DIP2B: variants seen among roughly 807,000 people sequenced by gnomAD.
DIP2B encodes the protein disco-interacting protein 2 homolog B.
A neutral mutation model predicts 198.0 loss-of-function variants in DIP2B; 76 were observed. The ratio of observed to expected loss-of-function variants is 0.38; its 90% confidence interval spans 0.32 to 0.46. The LOEUF (loss-of-function observed/expected upper bound fraction) is 0.46. Among genes scored for constraint, DIP2B ranks in the 20% least tolerant of loss-of-function variants. The pLI is 0.99. For synonymous variants in DIP2B, 701 were observed against 739.1 expected (o/e 0.95, Z 0.84); for missense variants, 1,559 against 1,978.4 (o/e 0.79, Z 4.02).
At chr12:50,692,050 G>C (rs1365982502) in intron 13 of DIP2B, among the ~76,000 whole-genome samples, 1 of 151,916 alleles carries the variant, frequency 6.6e-6, no homozygotes, top group Non-Finnish European at 1.5e-5. Flanking sequence ...GGGTGACAGA[G>C]CAAGACTCTG....
At chr12:50,672,388 T>C (rs1016316794) in intron 5 of DIP2B, among the ~76,000 whole-genome samples, 1 of 152,192 alleles carries the variant, frequency 6.6e-6, no homozygotes, top group South Asian at 2.1e-4. Context: ...CTGAAGCAGC[T>C]ACAAAGATTT....
At chr12:50,609,969 C>T (rs1959017630) in intron 1 of DIP2B, among the ~76,000 whole-genome samples, 1 of 152,182 alleles carries the variant, frequency 6.6e-6, no homozygotes, top group African/African-American at 2.4e-5. Context: ...GTAAGTAAAT[C>T]ATATTCCAAA....
intron 3 of DIP2B, chr12:50,656,894 A>C (rs1307551408): frequency 6.6e-6 from 1 of 152,136 alleles, no homozygotes; most frequent in African/African-American, 2.4e-5. Context: ...CTTATAATAA[A>C]TACCAACTAA....
At chr12:50,557,123 A>G (rs1423647835) in intron 1 of DIP2B, among the ~76,000 whole-genome samples, 1 of 152,224 alleles carries the variant, frequency 6.6e-6, no homozygotes, top group African/African-American at 2.4e-5. Context: ...CTGGGATTAC[A>G]GATTTGAGCC....
intron 5 of DIP2B, 99 bp downstream of exon 5, chr12:50,671,497 C>T: frequency 1.7e-6 from 2 of 1,175,702 alleles, no homozygotes; most frequent in South Asian, 3.0e-5. Context: ...TTCAGTATGG[C>T]CTAAAAAAAA....
chr12:50,646,363 C>CTACCTT (rs1938351060), intron 3 of DIP2B, among the ~76,000 whole-genome samples: 1 of 151,468 alleles, frequency 6.6e-6, no homozygotes, highest in Admixed American at 6.6e-5. Flanking sequence ...CCTCGTGATC[C>CTACCTT]GCCTGCCTTG....
intron 1 of DIP2B, among the ~76,000 whole-genome samples, chr12:50,577,083 C>T (rs1052672170): frequency 9.2e-5 from 14 of 152,206 alleles, no homozygotes; most frequent in South Asian, 6.2e-4. Context: ...TGACTACAGG[C>T]GTGAGCCACC....
chr12:50,584,387 A>G (rs1691633921), intron 1 of DIP2B, among the ~76,000 whole-genome samples: 1 of 152,076 alleles, frequency 6.6e-6, no homozygotes, highest in African/African-American at 2.4e-5. Flanking sequence ...CTCAGTACAT[A>G]TCTCAAATGC....
intron 1 of DIP2B, among the ~76,000 whole-genome samples, chr12:50,604,481 A>G (rs1170917436): frequency 6.6e-6 from 1 of 152,062 alleles, no homozygotes; most frequent in Non-Finnish European, 1.5e-5. Flanking sequence ...TTTTTGAGAC[A>G]AAGTCTTTGA....
At chr12:50,685,731 A>C in intron 10 of DIP2B, 102 bp from the exon 11 acceptor site, 2 of 1,333,592 alleles carry the variant, frequency 1.5e-6, no homozygotes, top group Non-Finnish European at 1.0e-6. Context: ...GGCTCCATGA[A>C]TGTTATCAAA....
intron 17 of DIP2B, among the ~76,000 whole-genome samples, chr12:50,697,721 G>C (rs1939342119): frequency 6.6e-6 from 1 of 151,400 alleles, no homozygotes; most frequent in Non-Finnish European, 1.5e-5. Flanking sequence ...TGTAGAGATA[G>C]GTTCTTGTTA....
At chr12:50,514,819 G>A (rs1463054407) in intron 1 of DIP2B, among the ~76,000 whole-genome samples, 1 of 151,504 alleles carries the variant, frequency 6.6e-6, no homozygotes, top group Non-Finnish European at 1.5e-5. Context: ...CACCATGCCC[G>A]GCTAATTTTT....
chr12:50,633,688 C>G (rs1188569760), intron 2 of DIP2B, among the ~76,000 whole-genome samples: 1 of 152,100 alleles, frequency 6.6e-6, no homozygotes, highest in Non-Finnish European at 1.5e-5. Context: ...ATTGCTTGAG[C>G]CTGGGAGGTT....
chr12:50,519,066 TG>T (rs935535567), intron 1 of DIP2B, among the ~76,000 whole-genome samples: 3 of 152,176 alleles, frequency 2.0e-5, no homozygotes, highest in South Asian at 4.1e-4. Flanking sequence ...TTTATTTTTT[TG>T]GGGGGTAGGG....
chr12:50,631,201 C>T (rs147852255), intron 2 of DIP2B, among the ~76,000 whole-genome samples: 113 of 151,396 alleles, frequency 7.5e-4, no homozygotes, highest in African/African-American at 2.7e-3. Context: ...CTTTGCTCAC[C>T]GCAACCTCCA....
intron 1 of DIP2B, among the ~76,000 whole-genome samples, chr12:50,562,463 G>A (rs532317863): frequency 7.9e-5 from 12 of 152,062 alleles, no homozygotes; most frequent in African/African-American, 2.7e-4. Context: ...AGTCGGGCAC[G>A]GTGGCTCATG....
At chr12:50,729,185 A>G (rs1939991613) in intron 30 of DIP2B, among the ~76,000 whole-genome samples, 1 of 152,154 alleles carries the variant, frequency 6.6e-6, no homozygotes, top group Non-Finnish European at 1.5e-5. Flanking sequence ...TCCTTGGTGT[A>G]CATCATGAAT....
At chr12:50,697,918 G>T (rs2684886) in intron 17 of DIP2B, among the ~76,000 whole-genome samples, 134,758 of 151,970 alleles carry the variant, frequency 0.89, 60,597 homozygotes, top group Non-Finnish European at 0.98. Context: ...TTTAATTTTT[G>T]AGAGATGGGG....
intron 1 of DIP2B, among the ~76,000 whole-genome samples, chr12:50,539,395 A>G (rs1213563796): frequency 6.6e-6 from 1 of 151,880 alleles, no homozygotes; most frequent in Non-Finnish European, 1.5e-5. Flanking sequence ...AGGCGGGTGG[A>G]TCACCTGAGG....
Sources: gnomAD v4.1 joint callset for allele counts (sites outside exome capture counted in the v4.1 genomes callset) on GRCh38, gnomAD v4.1.1 for gene constraint, MANE v1.5 for transcripts, NCBI Gene and HGNC (gene_info 2026-07-23, HGNC 2026-07-21) for gene names.